SLC8A1: variants seen among roughly 807,000 people sequenced by gnomAD.
SLC8A1 encodes the protein sodium/calcium exchanger 1.
Under a neutral mutation model 68.3 loss-of-function variants are expected in SLC8A1, and 18 were observed. The observed-to-expected ratio is 0.26, with a 90% CI of 0.18 to 0.39. The LOEUF is 0.39. Ranked by LOEUF, SLC8A1 falls within the 10% of genes least tolerant of loss-of-function variation. The probability of loss-of-function intolerance (pLI) is 1.00; values close to 1 mark genes in which losing one functional copy is unlikely to be tolerated. For synonymous variants in SLC8A1, 475 were observed against 415.5 expected (o/e 1.14, Z -1.74); for missense variants, 985 against 1,156.7 (o/e 0.85, Z 2.15).
chr2:40,322,322 A>G (rs2075295650), intron 2 of SLC8A1, among the ~76,000 whole-genome samples: 1 of 151,934 alleles, frequency 6.6e-6, no homozygotes, highest in Non-Finnish European at 1.5e-5. Context: ...TAATCCATAT[A>G]TAATTTTTGA....
chr2:40,146,408 C>T (rs1235834111), intron 6 of SLC8A1, among the ~76,000 whole-genome samples: 1 of 152,190 alleles, frequency 6.6e-6, no homozygotes, highest in Non-Finnish European at 1.5e-5. Context: ...CTGTTAGGTT[C>T]TACTCATTTG....
At chr2:40,343,946 C>T (rs1164657044) in intron 2 of SLC8A1, among the ~76,000 whole-genome samples, 1 of 152,060 alleles carries the variant, frequency 6.6e-6, no homozygotes, top group Non-Finnish European at 1.5e-5. Context: ...AATTGAAGGT[C>T]AAACTACATG....
chr2:40,242,846 T>C (rs2061393000), intron 2 of SLC8A1, among the ~76,000 whole-genome samples: 1 of 152,226 alleles, frequency 6.6e-6, no homozygotes, highest in African/African-American at 2.4e-5. Context: ...GCAAAGTTAG[T>C]CAGACGAGAA....
intron 2 of SLC8A1, among the ~76,000 whole-genome samples, chr2:40,390,465 T>C (rs887447015): frequency 2.0e-5 from 3 of 152,184 alleles, no homozygotes; most frequent in East Asian, 3.9e-4. Context: ...CCAAGTAGAG[T>C]CCCTGGACCA....
intron 1 of SLC8A1, among the ~76,000 whole-genome samples, chr2:40,491,422 A>T (rs1331722898): frequency 2.6e-5 from 4 of 152,148 alleles, no homozygotes; most frequent in Non-Finnish European, 5.9e-5. Context: ...CAATCATGTC[A>T]TCTGCAAACA....
upstream of SLC8A1, chr2:40,453,358 C>G (rs1364368501): frequency 6.6e-6 from 1 of 152,238 alleles, no homozygotes; most frequent in Non-Finnish European, 1.5e-5. Flanking sequence ...ACCTGCAGAG[C>G]ACAAGGCAGA....
chr2:40,237,580 C>T (rs1374578544), intron 2 of SLC8A1, among the ~76,000 whole-genome samples: 14 of 151,646 alleles, frequency 9.2e-5, no homozygotes, highest in African/African-American at 1.5e-4. Context: ...GTAATTTGAT[C>T]GTCTGAAGCC....
At chr2:40,391,301 C>T (rs1367762034) in intron 2 of SLC8A1, among the ~76,000 whole-genome samples, 1 of 151,634 alleles carries the variant, frequency 6.6e-6, no homozygotes, top group East Asian at 1.9e-4. Context: ...AGTTTATTTG[C>T]TACTCAGAAA....
intron 4 of SLC8A1, among the ~76,000 whole-genome samples, chr2:40,174,283 T>G (rs975246670): frequency 6.6e-6 from 1 of 152,132 alleles, no homozygotes; most frequent in Admixed American, 6.5e-5. Context: ...TTACGTATTT[T>G]CTCAACATGT....
intron 2 of SLC8A1, among the ~76,000 whole-genome samples, chr2:40,313,849 G>A (rs182156450): frequency 1.3e-5 from 2 of 152,038 alleles, no homozygotes; most frequent in East Asian, 3.9e-4. Context: ...TGAAATATCT[G>A]CTCAAATATT....
chr2:40,447,634 G>C (rs1419638819), intron 1 of SLC8A1, among the ~76,000 whole-genome samples: 1 of 150,594 alleles, frequency 6.6e-6, no homozygotes, highest in Non-Finnish European at 1.5e-5. Context: ...AATGATTTGT[G>C]AGAATTAATG....
At chr2:40,381,316 T>C (rs568876495) in intron 2 of SLC8A1, among the ~76,000 whole-genome samples, 2 of 152,098 alleles carry the variant, frequency 1.3e-5, no homozygotes, top group East Asian at 3.9e-4. Context: ...AAATTAACTT[T>C]TCCATTTCCC....
chr2:40,285,812 T>G (rs1425939330), intron 2 of SLC8A1, among the ~76,000 whole-genome samples: 1 of 152,200 alleles, frequency 6.6e-6, no homozygotes, highest in Non-Finnish European at 1.5e-5. Flanking sequence ...AAAATCACAC[T>G]GGTCCCTGTG....
chr2:40,395,067 C>A (rs1276702567), intron 2 of SLC8A1, among the ~76,000 whole-genome samples: 1 of 152,122 alleles, frequency 6.6e-6, no homozygotes, highest in African/African-American at 2.4e-5. Context: ...CACTGATGTC[C>A]AGAAAACAGG....
At chr2:40,123,419 A>G (rs1314446328) in intron 7 of SLC8A1, 1 of 152,242 alleles carries the variant, frequency 6.6e-6, no homozygotes, top group African/African-American at 2.4e-5. Flanking sequence ...AATACCATTA[A>G]TGGAGATAAT....
chr2:40,266,122 C>T (rs2065327280), intron 2 of SLC8A1, among the ~76,000 whole-genome samples: 1 of 152,152 alleles, frequency 6.6e-6, no homozygotes, highest in Admixed American at 6.5e-5. Context: ...GAAATTGGTG[C>T]ACATAGCTTA....
At chr2:40,174,782 A>T in intron 4 of SLC8A1, 43 bp downstream of exon 5, 2 of 1,599,392 alleles carry the variant, frequency 1.3e-6, no homozygotes, top group South Asian at 2.2e-5. Flanking sequence ...TGGTGAGAAC[A>T]GACAGTAAAA....
chr2:40,415,820 G>A (rs1178947312), intron 2 of SLC8A1, among the ~76,000 whole-genome samples: 3 of 147,322 alleles, frequency 2.0e-5, no homozygotes, highest in African/African-American at 7.5e-5. Flanking sequence ...TCAAGACCAG[G>A]GTGGCCAACA....
chr2:40,438,432 C>A (rs1050595991), intron 1 of SLC8A1, among the ~76,000 whole-genome samples: 1 of 152,092 alleles, frequency 6.6e-6, no homozygotes, highest in East Asian at 1.9e-4. Context: ...GCAATGAACC[C>A]TTCATTTATT....
Sources: gnomAD v4.1 joint callset for allele counts (sites outside exome capture counted in the v4.1 genomes callset) on GRCh38, gnomAD v4.1.1 for gene constraint, MANE v1.5 for transcripts, NCBI Gene and HGNC (gene_info 2026-07-23, HGNC 2026-07-21) for gene names.